The following NRG2 variants were observed in gnomAD, a reference collection of about 807,000 sequenced individuals.
The protein encoded by NRG2 is neuregulin 2.
NRG2 carries 27 observed loss-of-function variants against 73.9 expected under a neutral mutation model. The observed-to-expected ratio is 0.37, with a 90% CI of 0.27 to 0.50. The LOEUF is 0.50. Among genes scored for constraint, NRG2 ranks in the 20% least tolerant of loss-of-function variants. NRG2 has a pLI of 0.96. For missense variants in NRG2, 1,126 were observed against 1,210.1 expected, an observed-to-expected ratio of 0.93 and a Z score of 1.03; for synonymous variants, 532 against 541.0, an observed-to-expected ratio of 0.98 and a Z score of 0.23.
intron 1 of NRG2, among the ~76,000 whole-genome samples, chr5:139,935,777 T>C (rs1023246281): frequency 1.3e-5 from 2 of 151,860 alleles, no homozygotes; most frequent in African/African-American, 4.8e-5. Flanking sequence ...CTGGCCAACA[T>C]GGCAAAACCC....
rs1419700749 is a variant in NRG2 at position 139,970,958 on chromosome 5, AT to A, written c.700+71411del. 7.3e-4 allele frequency among the ~76,000 whole-genome samples: 109 copies of A among 149,592 alleles called. 1 individual carries two copies. Among genetic ancestry groups the A allele is most frequent in the Admixed American group, 6.1e-3 (92 of 15,080 alleles). On this transcript the variant is annotated intron_variant, in intron 1 of 9. Transcript: ENST00000361474. ...CATAACCAGTTTTTCTTTTTTTTTT[AT>A]TTTTTCCCCTTGAGCTTTGAAAGTT...
At chr5:139,864,765 C>T (rs535672688) in intron 5 of NRG2, among the ~76,000 whole-genome samples, 54 of 152,174 alleles carry the variant, frequency 3.5e-4, no homozygotes, top group Admixed American at 2.0e-4. Flanking sequence ...GGCACACACA[C>T]ACACACACAC....
chr5:139,928,735 A>G (rs1214572855), intron 1 of NRG2, among the ~76,000 whole-genome samples: 4 of 152,142 alleles, frequency 2.6e-5, no homozygotes, highest in Admixed American at 6.5e-5. Context: ...AATGGAACTT[A>G]CCATCTTCTC....
Position 139,846,871 on chromosome 5 carries a change from G to A in NRG2, c.*1046C>T, listed in dbSNP as rs1468610771. 1 of 150,964 alleles carries A rather than the reference G, an allele frequency of 6.6e-6. No individual in the cohort carries two copies. The highest frequency in any genetic ancestry group is 1.5e-5 in the Non-Finnish European group (1 of 67,856). 9.4% of individuals were successfully genotyped at this position (150,964 alleles called of 1,614,324 possible). On this transcript the variant is annotated 3_prime_UTR_variant, in exon 10 of 10. Transcript: ENST00000361474. Reference sequence around the variant, plus strand: ...ACATTTCAGGACAGGATTCCCATCTGTTTCTGTTTGGGATTTTTTTTTTTT... The same window carrying A: ...ACATTTCAGGACAGGATTCCCATCTATTTCTGTTTGGGATTTTTTTTTTTT...
intron 1 of NRG2, among the ~76,000 whole-genome samples, chr5:139,935,070 G>A (rs1463708272): frequency 6.6e-6 from 1 of 152,140 alleles, no homozygotes; most frequent in Non-Finnish European, 1.5e-5. Context: ...GAGAGGCTGA[G>A]GCATGAGAAC....
At chr5:139,965,847 C>A (rs1258597889) in intron 1 of NRG2, among the ~76,000 whole-genome samples, 1 of 152,096 alleles carries the variant, frequency 6.6e-6, no homozygotes, top group Non-Finnish European at 1.5e-5. Context: ...GGGCTCACAG[C>A]CTTTGCAGAG....
chr5:139,998,910 T>C (rs1006350276), intron 1 of NRG2, among the ~76,000 whole-genome samples: 3 of 152,292 alleles, frequency 2.0e-5, no homozygotes, highest in Admixed American at 1.3e-4. Context: ...TTTCCTAGAT[T>C]ATAGCAGAAG....
intron 2 of NRG2, among the ~76,000 whole-genome samples, chr5:139,883,243 C>T (rs1763649793): frequency 1.4e-5 from 2 of 141,260 alleles, no homozygotes; most frequent in Admixed American, 7.0e-5. Flanking sequence ...CCCCTCCCCC[C>T]TACCTCCCCA....
At chr5:139,935,537 A>C (rs192846437) in intron 1 of NRG2, among the ~76,000 whole-genome samples, 181 of 152,386 alleles carry the variant, frequency 1.2e-3, no homozygotes, top group African/African-American at 4.0e-3. Context: ...AATAGAATTA[A>C]ATTAGAAATC....
chr5:139,938,888 GAAAGAAAGAAAGAAAGAAAAGAAAGAA>G, intron 1 of NRG2, among the ~76,000 whole-genome samples: 1 of 67,674 alleles, frequency 1.5e-5, no homozygotes, highest in African/African-American at 7.7e-5. Context: ...GAGAAGGAAA[GAAAGAAAGAAAGAAAGAAAAGAAAGAA>G]AGAAAGAAAG....
intron 5 of NRG2, chr5:139,861,628 T>A (rs1762150286): frequency 2.2e-6 from 1 of 451,214 alleles, no homozygotes; most frequent in African/African-American, 2.0e-5. Flanking sequence ...GACGTTTTGG[T>A]TTCTTTGCAT....
chr5:139,926,395 C>G (rs1189073312), intron 1 of NRG2, among the ~76,000 whole-genome samples: 1 of 152,094 alleles, frequency 6.6e-6, no homozygotes, highest in Non-Finnish European at 1.5e-5. Flanking sequence ...AGTGCACACA[C>G]AGTACACATG....
At chr5:139,967,740 G>A (rs1755644885) in intron 1 of NRG2, among the ~76,000 whole-genome samples, 1 of 152,054 alleles carries the variant, frequency 6.6e-6, no homozygotes, top group Non-Finnish European at 1.5e-5. Context: ...CTGGGAGGCC[G>A]AGGCGGGTGG....
chr5:139,956,231 C>T (rs1754616111), intron 1 of NRG2, among the ~76,000 whole-genome samples: 1 of 152,178 alleles, frequency 6.6e-6, no homozygotes, highest in Non-Finnish European at 1.5e-5. Flanking sequence ...CATCCAGTCA[C>T]CTTTCCCAAC....
In NRG2 at chr5:139,860,615, C is replaced by T. The variant is rs141225605; in HGVS notation, c.1190-4837G>A. 2.4e-3 allele frequency among the ~76,000 whole-genome samples: 358 copies of T among 152,318 alleles called. 2 individuals are homozygous for T. Among genetic ancestry groups the T allele is most frequent in the African/African-American group, 8.3e-3 (347 of 41,572 alleles). On this transcript the variant is annotated intron_variant, in intron 5 of 9. Transcript: ENST00000361474. Reference sequence around the variant, plus strand: ...GGGCCATGGTGCCTGAGCCTGATTTCACTACCCAGAAGAGCAAACTGCAAC... The same window carrying T: ...GGGCCATGGTGCCTGAGCCTGATTTTACTACCCAGAAGAGCAAACTGCAAC...
rs1192627028 is a variant in NRG2, at chr5:140,042,912, T to C, written c.158A>G (p.Asn53Ser). 8.5e-6 allele frequency: 13 copies of C among 1,524,464 alleles called. No homozygotes were observed. The highest frequency in any genetic ancestry group is 1.1e-5 in the Non-Finnish European group (13 of 1,132,196). The allele number at this position is 1,524,464 out of a possible 1,614,324, so 94.4% of individuals were successfully genotyped here. A position where few individuals can be genotyped will look rare whatever the true frequency, so the allele number is the denominator to read the frequency against. Residue 53 changes from asparagine (N) to serine (S), a missense_variant, in exon 1 of 10, where the codon AAC becomes AGC. By Grantham distance (46) the Asn-to-Ser change is conservative. Around this residue, in one of 3 missense-constraint regions of NRG2, gnomAD observed 185 missense variants for 149.0 expected, o/e 1.24. Transcript: ENST00000361474. Reference sequence around the variant, plus strand: ...CGCAGCGGGACGAGAGATGCTGCTGTTGTTGCTGCTGCTCCTGCTGCTGCT... The same window carrying C: ...CGCAGCGGGACGAGAGATGCTGCTGCTGTTGCTGCTGCTCCTGCTGCTGCT... ...SGSSSRSSSN[N>S]SSISRPAAPP...
chr5:139,918,126 AAG>A (rs1487155293), intron 1 of NRG2, among the ~76,000 whole-genome samples: 1 of 152,208 alleles, frequency 6.6e-6, no homozygotes, highest in African/African-American at 2.4e-5. Context: ...ACAATTGTGA[AAG>A]AGACTACAAT....
In NRG2 at chr5:139,869,138, C is replaced by T. The variant is rs1023840007; in HGVS notation, c.1112+2583G>A. On this transcript the variant is annotated intron_variant, in intron 4 of 9. Coordinates refer to ENST00000361474, the MANE Select transcript of NRG2 (RefSeq NM_004883.3). The surrounding 1 kb of genome is among the most constrained non-coding windows in gnomAD (Gnocchi z 4.5). ...CGTTGTCTTTTTTTAAAACAAAATT[C>T]AGTATCAGTGACACTGTTTCTTTTG... Among the ~76,000 whole-genome samples, 1 of 151,848 alleles carries T rather than the reference C, an allele frequency of 6.6e-6. No homozygotes were observed. The highest frequency in any genetic ancestry group is 1.5e-5 in the Non-Finnish European group (1 of 67,948).
chr5:140,003,646 T>A (rs1758670417), intron 1 of NRG2, among the ~76,000 whole-genome samples: 2 of 152,224 alleles, frequency 1.3e-5, no homozygotes, highest in Admixed American at 6.5e-5. Flanking sequence ...TCCAGAATTG[T>A]AAGATAATGA....
Sources: allele counts gnomAD v4.1 joint callset (sites outside exome capture counted in the v4.1 genomes callset), GRCh38; gene constraint gnomAD v4.1.1; regional missense constraint gnomAD v4.1.1; non-coding constraint Gnocchi (gnomAD v3.1); transcripts MANE v1.5; gene names NCBI Gene and HGNC (gene_info 2026-07-23, HGNC 2026-07-21).